Variants in DYRK4 observed in about 807,000 individuals in gnomAD.
DYRK4 encodes dual specificity tyrosine-phosphorylation-regulated kinase 4.
A neutral mutation model predicts 68.3 loss-of-function variants in DYRK4; 64 were observed. The ratio of observed to expected loss-of-function variants is 0.94; its 90% confidence interval spans 0.77 to 1.15. DYRK4 has a LOEUF of 1.15. DYRK4 is among the 50% of genes most tolerant of loss of function. DYRK4 has a pLI of 0.00. For missense variants in DYRK4, 740 were observed against 764.7 expected (o/e 0.97, Z 0.38); for synonymous variants, 274 against 289.9 (o/e 0.95, Z 0.56).
intron 1 of DYRK4, among the ~76,000 whole-genome samples, chr12:4,566,709 G>A (rs1944680868): frequency 6.6e-6 from 1 of 152,236 alleles, no homozygotes; most frequent in Non-Finnish European, 1.5e-5. Context: ...TAGAAAGAAA[G>A]GAAGAGAAGG....
chr12:4,566,728 A>C (rs1944681079), intron 1 of DYRK4, among the ~76,000 whole-genome samples: 1 of 152,252 alleles, frequency 6.6e-6, no homozygotes, highest in African/African-American at 2.4e-5. Flanking sequence ...GGAAGAAGTG[A>C]AACTATGATC....
In DYRK4 at chr12:4,604,764, T is replaced by C. The variant is rs1945120563; in HGVS notation, c.1127-150T>C. ...GTTGCTGGCGGATTTGATGCTGTGATGGTGTAATGGGAGTTCTAAGTGCTG... is the reference window on the plus strand; with the variant it reads ...GTTGCTGGCGGATTTGATGCTGTGACGGTGTAATGGGAGTTCTAAGTGCTG... On this transcript the variant is annotated intron_variant, in intron 10 of 14. Transcript: ENST00000543431. 4 of 820,180 alleles carry C rather than the reference T, an allele frequency of 4.9e-6. No homozygotes were observed. The East Asian group carries it at 1.3e-4, about 26-fold the overall frequency. The allele number at this position is 820,180 out of a possible 1,614,324, so 50.8% of individuals were successfully genotyped here.
chr12:4,562,367 T>C (rs1179800650), intron 1 of DYRK4, 84 bp downstream of exon 1: 2 of 1,464,064 alleles, frequency 1.4e-6, no homozygotes, highest in Admixed American at 4.6e-5. Flanking sequence ...GACGGGGTCG[T>C]GGGGGGAGAA....
At chr12:4,569,200 A>G (rs1944707065) in intron 2 of DYRK4, among the ~76,000 whole-genome samples, 1 of 152,230 alleles carries the variant, frequency 6.6e-6, no homozygotes, top group Non-Finnish European at 1.5e-5. Flanking sequence ...TACCACGTAT[A>G]ACAAAACACG....
intron 2 of DYRK4, among the ~76,000 whole-genome samples, chr12:4,575,322 T>TGTGTGTGTGTGTGTGTGTGTGTGTGTG (rs71061193): frequency 5.9e-5 from 9 of 151,726 alleles, no homozygotes; most frequent in South Asian, 2.1e-4. Context: ...TGTGTGTGTG[T>TGTGTGTGTGTGTGTGTGTGTGTGTGTG]TTTCGAAACG....
intron 2 of DYRK4, among the ~76,000 whole-genome samples, chr12:4,587,990 G>A (rs1944914322): frequency 6.6e-6 from 1 of 152,198 alleles, no homozygotes; most frequent in Non-Finnish European, 1.5e-5. Flanking sequence ...CTAAACTTCA[G>A]TCATTTGAGG....
chr12:4,590,162 C>T (rs1944937419), intron 3 of DYRK4, 168 bp from the exon 4 acceptor site: 1 of 1,383,772 alleles, frequency 7.2e-7, no homozygotes, highest in Non-Finnish European at 9.3e-7. Flanking sequence ...GACTCTGCTG[C>T]TCTGGAATCT....
intron 12 of DYRK4, 131 bp downstream of exon 12, chr12:4,607,518 A>G (rs1426693801): frequency 6.1e-6 from 6 of 979,020 alleles, no homozygotes; most frequent in Non-Finnish European, 7.8e-6. Flanking sequence ...CAGAGAAGTA[A>G]AAGATAATGA....
At chr12:4,602,670 A>C in intron 10 of DYRK4, 1 of 1,427,540 alleles carries the variant, frequency 7.0e-7, no homozygotes, top group Non-Finnish European at 9.9e-7. Context: ...GCTGAGGGTC[A>C]TTTTCTGTAC....
intron 11 of DYRK4, among the ~76,000 whole-genome samples, chr12:4,606,334 A>C (rs978039753): frequency 2.0e-5 from 3 of 147,016 alleles, no homozygotes; most frequent in Non-Finnish European, 4.5e-5. Flanking sequence ...ATGTATCTGT[A>C]TCTATCTATC....
chr12:4,603,506 G>A (rs1945104643), intron 10 of DYRK4: 2 of 240,992 alleles, frequency 8.3e-6, no homozygotes, highest in East Asian at 8.5e-5. Context: ...TGTAAAATGC[G>A]GCGGCTGGGG....
chr12:4,583,519 A>C (rs569950216), intron 2 of DYRK4, among the ~76,000 whole-genome samples: 1 of 151,658 alleles, frequency 6.6e-6, no homozygotes, highest in Admixed American at 6.6e-5. Flanking sequence ...CAGTCACAGC[A>C]CCTTTGCTGA....
chr12:4,609,173 A>T (rs1276591719), intron 12 of DYRK4, among the ~76,000 whole-genome samples: 1 of 152,162 alleles, frequency 6.6e-6, no homozygotes, highest in Non-Finnish European at 1.5e-5. Context: ...TAGGATGGTG[A>T]TGGGGTTTTG....
Position 4,577,829 on chromosome 12 carries a change from G to A in DYRK4, c.132+9781G>A, listed in dbSNP as rs182184976. 1.8e-4 allele frequency among the ~76,000 whole-genome samples: 28 copies of A among 152,256 alleles called. No individual in the cohort carries two copies. The East Asian group carries it at 5.2e-3, about 28-fold the overall frequency. ...AACCAGAGTTTTGTAGTTTTTCTCA[G>A]ATAGATCTCATACACATTTTGTCAT... On this transcript the variant is annotated intron_variant, in intron 2 of 14. Transcript: ENST00000543431.
Position 4,605,093 on chromosome 12 carries a change from G to A in DYRK4, c.1299+7G>A. 2 of 1,609,524 alleles carry A rather than the reference G, an allele frequency of 1.2e-6. No homozygotes were observed. Among genetic ancestry groups the A allele is most frequent in the Non-Finnish European group, 1.7e-6 (2 of 1,177,442 alleles). ...GCTGGCCTGCATCATGGAGGTACGC[G>A]GAGGGCTGGCGGTCGGCTCCCACGG... On this transcript the variant is annotated splice_region_variant and intron_variant, in intron 11 of 14. Coordinates refer to ENST00000543431, the MANE Select transcript of DYRK4 (RefSeq NM_001394779.1).
At chr12:4,576,710 T>G (rs1460788282) in intron 2 of DYRK4, among the ~76,000 whole-genome samples, 3 of 152,226 alleles carry the variant, frequency 2.0e-5, no homozygotes, top group East Asian at 3.8e-4. Flanking sequence ...GACGTTCTAG[T>G]AGGTGTGTAG....
rs73257467 is a variant in DYRK4 at position 4,599,229 on chromosome 12, C to T, written c.1044+63C>T. 4,655 of 1,473,372 alleles carry T rather than the reference C, an allele frequency of 3.2e-3. 99 individuals are homozygous for T. The African/African-American group carries it at 0.056, about 18-fold the overall frequency. 91.3% of individuals were successfully genotyped at this position (1,473,372 alleles called of 1,614,324 possible). A position where few individuals can be genotyped will look rare whatever the true frequency, so the allele number is the denominator to read the frequency against. ...GAAATACCCATTCTATTCCCCAGGC[C>T]GTGTAACAATCACAAACTCCAATCA... is the stretch of plus-strand genomic sequence containing the variant. On this transcript the variant is annotated intron_variant, in intron 9 of 14. Transcript: ENST00000543431.
chr12:4,573,264 C>G, intron 2 of DYRK4: 4 of 1,255,068 alleles, frequency 3.2e-6, no homozygotes, highest in Non-Finnish European at 4.2e-6. Context: ...TATATAATGT[C>G]TACATTTGGA....
chr12:4,605,171 C>A, intron 11 of DYRK4, 85 bp downstream of exon 11: 1 of 1,206,984 alleles, frequency 8.3e-7, no homozygotes, highest in Non-Finnish European at 1.2e-6. Flanking sequence ...CGCCCAGGAC[C>A]ATGGCCTGCA....
Sources: allele counts gnomAD v4.1 joint callset (sites outside exome capture counted in the v4.1 genomes callset), GRCh38; gene constraint gnomAD v4.1.1; transcripts MANE v1.5; gene names NCBI Gene and HGNC (gene_info 2026-07-23, HGNC 2026-07-21).